Variants in DNAAF11 observed in about 807,000 individuals in gnomAD.
The protein encoded by DNAAF11 is leucine rich repeat containing 6.
DNAAF11 carries 45 observed loss-of-function variants against 60.8 expected under a neutral mutation model. The observed-to-expected ratio is 0.74, with a 90% CI of 0.58 to 0.95. The LOEUF (loss-of-function observed/expected upper bound fraction) is 0.95, where lower values mean the gene tolerates loss of function less well. Ranked by LOEUF, DNAAF11 falls within the 40% of genes least tolerant of loss-of-function variation. The pLI is 0.00. For missense variants in DNAAF11, 546 were observed against 546.2 expected, an observed-to-expected ratio of 1.00 and a Z score of 0.00; for synonymous variants, 191 against 183.5, an observed-to-expected ratio of 1.04 and a Z score of -0.33.
the DNAAF11 span, among the ~76,000 whole-genome samples, chr8:132,689,502 TC>T: frequency 3.1e-4 from 1 of 3,274 alleles, no homozygotes; most frequent in Non-Finnish European, 5.3e-4. Context: ...TCAGTGTCAT[TC>T]CCTGAAATGA....
chr8:132,574,502 CAT>C lies in DNAAF11; in HGVS notation c.1227-2024_1227-2023del, dbSNP rs202201297. Reference sequence around the variant, plus strand: ...TAATGAGCTTCCCTGATGGACATTTCATATGTGTTGTTGCAACCCATTGCAGG... The same window carrying C: ...TAATGAGCTTCCCTGATGGACATTTCATGTGTTGTTGCAACCCATTGCAGG... On this transcript the variant is annotated intron_variant, in intron 11 of 11. Coordinates refer to ENST00000620350, the MANE Select transcript of DNAAF11 (RefSeq NM_012472.6). Among the ~76,000 whole-genome samples, 1,518 of 152,348 alleles carry C rather than the reference CAT, an allele frequency of 1.0e-2. 30 individuals are homozygous for C. Among genetic ancestry groups the C allele is most frequent in the African/African-American group, 0.034 (1,419 of 41,570 alleles).
intron 3 of DNAAF11, 55 bp downstream of exon 3, chr8:132,656,774 CT>C (rs1823616320): frequency 2.4e-6 from 2 of 827,346 alleles, no homozygotes; most frequent in Non-Finnish European, 3.9e-6. Context: ...ACCTGGCCTT[CT>C]AACTTAAAAT....
chr8:132,694,494 C>A, the DNAAF11 span, among the ~76,000 whole-genome samples: 2 of 152,192 alleles, frequency 1.3e-5, no homozygotes, highest in Non-Finnish European at 2.9e-5. Flanking sequence ...AGACTTCTAG[C>A]CTCCGTAACT....
intron 3 of DNAAF11, among the ~76,000 whole-genome samples, chr8:132,639,822 G>A (rs1336452126): frequency 6.6e-6 from 1 of 151,806 alleles, no homozygotes; most frequent in Non-Finnish European, 1.5e-5. Flanking sequence ...TGCTAACATA[G>A]ATGTTGCTGA....
chr8:132,687,153 T>A, the DNAAF11 span, among the ~76,000 whole-genome samples: 1 of 152,210 alleles, frequency 6.6e-6, no homozygotes, highest in African/African-American at 2.4e-5. Flanking sequence ...GCAAAGCAGA[T>A]ATCAAGAAGG....
At chr8:132,700,653 A>G in the DNAAF11 span, among the ~76,000 whole-genome samples, 2 of 152,134 alleles carry the variant, frequency 1.3e-5, no homozygotes, top group South Asian at 2.1e-4. Flanking sequence ...GTGCCTCTGC[A>G]CTTGCACTCC....
At chr8:132,666,377 A>G (rs1057394415) in intron 1 of DNAAF11, among the ~76,000 whole-genome samples, 2 of 152,252 alleles carry the variant, frequency 1.3e-5, no homozygotes, top group African/African-American at 4.8e-5. Context: ...CAGTATATGT[A>G]TTGAAACATC....
intron 3 of DNAAF11, among the ~76,000 whole-genome samples, chr8:132,649,025 T>C (rs1316412606): frequency 6.6e-6 from 1 of 152,158 alleles, no homozygotes; most frequent in Non-Finnish European, 1.5e-5. Flanking sequence ...TTATGGAACT[T>C]TTTTATGGAA....
intron 11 of DNAAF11, chr8:132,578,606 C>A (rs1203197781): frequency 2.8e-6 from 2 of 712,496 alleles, no homozygotes; most frequent in African/African-American, 1.8e-5. Context: ...CAAAACACAT[C>A]AGAGATTCAT....
At chr8:132,577,943 G>A (rs1814926761) in intron 11 of DNAAF11, among the ~76,000 whole-genome samples, 3 of 151,748 alleles carry the variant, frequency 2.0e-5, no homozygotes, top group Admixed American at 1.3e-4. Context: ...CTGGAATTAA[G>A]GATGTGAGCC....
At chr8:132,636,694 C>G (rs1821330867) in intron 4 of DNAAF11, among the ~76,000 whole-genome samples, 1 of 152,176 alleles carries the variant, frequency 6.6e-6, no homozygotes, top group Non-Finnish European at 1.5e-5. Flanking sequence ...ACTACAAGAT[C>G]TAGTCCTATG....
At chr8:132,684,145 C>T in the DNAAF11 span, among the ~76,000 whole-genome samples, 1 of 152,224 alleles carries the variant, frequency 6.6e-6, no homozygotes, top group African/African-American at 2.4e-5. Flanking sequence ...ACACTTCCCT[C>T]ACTTCTGACA....
chr8:132,694,628 C>A, the DNAAF11 span, among the ~76,000 whole-genome samples: 1 of 152,150 alleles, frequency 6.6e-6, no homozygotes, highest in Non-Finnish European at 1.5e-5. Context: ...TTGAATGATG[C>A]CACTGCCATT....
chr8:132,686,043 A>G, the DNAAF11 span, among the ~76,000 whole-genome samples: 2 of 152,206 alleles, frequency 1.3e-5, no homozygotes, highest in African/African-American at 4.8e-5. Context: ...CAACAAATAA[A>G]TACCACAAGA....
chr8:132,691,426 T>C, the DNAAF11 span, among the ~76,000 whole-genome samples: 1 of 152,136 alleles, frequency 6.6e-6, no homozygotes, highest in South Asian at 2.1e-4. Flanking sequence ...ATATCTCCAG[T>C]CCTAGAATCA....
chr8:132,643,436 G>A (rs1822054536), intron 3 of DNAAF11: 1 of 338,386 alleles, frequency 3.0e-6, no homozygotes, highest in Non-Finnish European at 5.9e-6. Flanking sequence ...GCAGGAGGAG[G>A]CAGGTAGGAT....
At chr8:132,601,925 A>T (rs899500316) in intron 10 of DNAAF11, among the ~76,000 whole-genome samples, 5 of 152,042 alleles carry the variant, frequency 3.3e-5, no homozygotes, top group African/African-American at 1.2e-4. Flanking sequence ...GTATAATAAT[A>T]ATAATAATAA....
intron 3 of DNAAF11, among the ~76,000 whole-genome samples, chr8:132,648,956 A>G (rs556469408): frequency 1.4e-4 from 21 of 152,348 alleles, no homozygotes; most frequent in Non-Finnish European, 2.6e-4. Context: ...TATAGATTCA[A>G]TGCCATCCCC....
At chr8:132,634,603 A>C (rs1448383391) in intron 4 of DNAAF11, among the ~76,000 whole-genome samples, 1 of 151,666 alleles carries the variant, frequency 6.6e-6, no homozygotes, top group East Asian at 1.9e-4. Flanking sequence ...TTTTTGGATA[A>C]ATGAAATTTA....
Sources: gnomAD v4.1 joint callset for allele counts (sites outside exome capture counted in the v4.1 genomes callset) on GRCh38, gnomAD v4.1.1 for gene constraint, MANE v1.5 for transcripts, NCBI Gene and HGNC (gene_info 2026-07-23, HGNC 2026-07-21) for gene names.